PCID2: variants seen among roughly 807,000 people sequenced by gnomAD.
PCID2 encodes the protein PCI domain containing 2, also known as PCI domain-containing protein 2.
PCID2 carries 41 observed loss-of-function variants against 61.3 expected under a neutral mutation model. The ratio of observed to expected loss-of-function variants is 0.67; its 90% CI spans 0.52 to 0.87. PCID2 has a LOEUF of 0.87. Ranked by LOEUF, PCID2 falls within the 40% of genes least tolerant of loss-of-function variation. PCID2 has a pLI of 0.00. For missense variants in PCID2, 392 were observed against 493.4 expected, an observed-to-expected ratio of 0.79 and a Z score of 1.95; for synonymous variants, 187 against 177.8, an observed-to-expected ratio of 1.05 and a Z score of -0.41.
the PCID2 span, chr13:113,172,045 C>T: frequency 6.2e-7 from 1 of 1,613,088 alleles, no homozygotes. Context: ...GGCAGGCTCA[C>T]ATGGTCCTTG....
At chr13:113,197,543 G>C (rs897769990) in intron 3 of PCID2, among the ~76,000 whole-genome samples, 7 of 152,228 alleles carry the variant, frequency 4.6e-5, no homozygotes, top group Non-Finnish European at 8.8e-5. Flanking sequence ...ATTCAAACTA[G>C]ATTCCCAGCT....
chr13:113,203,883 A>G (rs1282471283), intron 1 of PCID2, among the ~76,000 whole-genome samples: 1 of 152,250 alleles, frequency 6.6e-6, no homozygotes, highest in Non-Finnish European at 1.5e-5. Context: ...AAGTCCCCCA[A>G]GAAAACCAGT....
chr13:113,181,074 G>C lies in PCID2; in HGVS notation c.786+56C>G, dbSNP rs1204335630. The C allele has an allele frequency of 1.0e-5, 12 of 1,165,944 alleles. No individual in the cohort carries two copies. In the South Asian group the frequency reaches 1.2e-4, roughly 12 times the overall value. 72.2% of individuals were successfully genotyped at this position (1,165,944 alleles called of 1,614,324 possible). A position where few individuals can be genotyped will look rare whatever the true frequency, so the allele number is the denominator to read the frequency against. ...TGCTAGGTTTTAAAAAAACCTATCA[G>C]CTGTCAACTTTGTGAAAGCACCAGG... On this transcript the variant is annotated intron_variant, in intron 10 of 13. Transcript: ENST00000337344.
chr13:113,196,235 G>C lies in PCID2; in HGVS notation c.267-13C>G. On this transcript the variant is annotated splice_polypyrimidine_tract_variant and intron_variant, in intron 4 of 13. Coordinates refer to ENST00000337344, the MANE Select transcript of PCID2 (RefSeq NM_001127202.4). ...TCGCAAGAATGATGTACTGTATTAA[G>C]GAAGATATGGCATACAAAGTTCAAA... The C allele has an allele frequency of 6.3e-7, 1 of 1,577,218 alleles. No individual in the cohort carries two copies. Among genetic ancestry groups the C allele is most frequent in the Non-Finnish European group, 8.7e-7 (1 of 1,152,494 alleles).
At chr13:113,185,365 A>C in intron 8 of PCID2, 120 bp downstream of exon 8, 1 of 732,074 alleles carries the variant, frequency 1.4e-6, no homozygotes, top group Admixed American at 2.1e-5. Context: ...AGGACTAGGA[A>C]TACGGTTATG....
intron 9 of PCID2, chr13:113,183,622 A>G (rs2037838699): frequency 3.8e-6 from 1 of 265,758 alleles, no homozygotes; most frequent in African/African-American, 2.3e-5. Flanking sequence ...TGCATTGCCT[A>G]AAGTTATGTT....
chr13:113,172,335 A>C, the PCID2 span: 18 of 583,294 alleles, frequency 3.1e-5, no homozygotes, highest in Non-Finnish European at 4.9e-5. Flanking sequence ...CTTAAAAGAA[A>C]ACATGAGATA....
chr13:113,195,935 G>A (rs2038979378), intron 5 of PCID2, among the ~76,000 whole-genome samples: 1 of 152,042 alleles, frequency 6.6e-6, no homozygotes, highest in African/African-American at 2.4e-5. Context: ...TAGGGAAATG[G>A]ACATCTGAAA....
At chr13:113,196,257 C>A in intron 4 of PCID2, 35 bp from the exon 5 acceptor site, 1 of 1,477,494 alleles carries the variant, frequency 6.8e-7, no homozygotes, top group South Asian at 1.2e-5. Context: ...ATACAAAGTT[C>A]AAATAATGCT....
chr13:113,195,338 T>G (rs1356808971), intron 5 of PCID2, among the ~76,000 whole-genome samples: 2 of 152,164 alleles, frequency 1.3e-5, no homozygotes, highest in Non-Finnish European at 2.9e-5. Context: ...AATGCGGTGC[T>G]CCACACCCCT....
rs1676311711 is a variant in PCID2 at position 113,200,693 on chromosome 13, T to C, written c.37-177A>G. The C allele has an allele frequency of 1.9e-5, 8 of 418,028 alleles. No homozygotes were observed. In the East Asian group the frequency reaches 3.5e-4, roughly 18 times the overall value. The allele number at this position is 418,028 out of a possible 1,614,324, so 25.9% of individuals were successfully genotyped here. A position where few individuals can be genotyped will look rare whatever the true frequency, so the allele number is the denominator to read the frequency against. On this transcript the variant is annotated intron_variant, in intron 1 of 13. Transcript: ENST00000337344. Reference sequence around the variant, plus strand: ...ACTCTCTGCAGTGGGTAAACAATAATTTCTTTTTTTTTTTTTTTTTTTTTG... The same window carrying C: ...ACTCTCTGCAGTGGGTAAACAATAACTTCTTTTTTTTTTTTTTTTTTTTTG...
intron 1 of PCID2, chr13:113,208,388 C>T: frequency 1.4e-6 from 2 of 1,440,748 alleles, no homozygotes; most frequent in Non-Finnish European, 9.1e-7. Flanking sequence ...ACCGCCCGGC[C>T]CCCACGGCGG....
At chr13:113,195,594 G>A (rs1015804181) in intron 5 of PCID2, among the ~76,000 whole-genome samples, 1 of 151,990 alleles carries the variant, frequency 6.6e-6, no homozygotes, top group Non-Finnish European at 1.5e-5. Flanking sequence ...AGGGTGGCGG[G>A]AGGCAGAGGC....
chr13:113,181,971 TG>T (rs57158338), intron 9 of PCID2, among the ~76,000 whole-genome samples: 2,593 of 152,328 alleles, frequency 0.017, 69 homozygotes, highest in African/African-American at 0.058. Flanking sequence ...CAGGGGTTTC[TG>T]GACAATGATT....
the PCID2 span, chr13:113,171,467 C>T: frequency 7.0e-6 from 8 of 1,139,930 alleles, no homozygotes; most frequent in Non-Finnish European, 6.3e-6. This position sits in a 1 kb window ranked among gnomAD's most constrained non-coding sequence, Gnocchi z 5.1. Context: ...CACCACGGGG[C>T]GGTGAGCCTG....
At chr13:113,167,384 C>T in the PCID2 span, among the ~76,000 whole-genome samples, 3 of 152,340 alleles carry the variant, frequency 2.0e-5, no homozygotes, top group South Asian at 6.2e-4. Context: ...GTTGGAAAAA[C>T]ACTTTCTCAC....
chr13:113,165,243 C>A, the PCID2 span: 1 of 925,626 alleles, frequency 1.1e-6, no homozygotes, highest in Non-Finnish European at 1.7e-6. Flanking sequence ...GGGCTACTGA[C>A]TGCACTGACC....
At chr13:113,173,871 C>G, downstream of PCID2, among the ~76,000 whole-genome samples, 1 of 152,166 alleles carries the variant, frequency 6.6e-6, no homozygotes, top group East Asian at 1.9e-4. Context: ...GCAGAAATGT[C>G]TGCAATCTTG....
At chr13:113,204,193 G>A (rs935113227) in intron 1 of PCID2, among the ~76,000 whole-genome samples, 2 of 152,258 alleles carry the variant, frequency 1.3e-5, no homozygotes, top group African/African-American at 4.8e-5. Flanking sequence ...CCAGCCCCAG[G>A]AGCCTGAGAA....
Sources: gnomAD v4.1 joint callset for allele counts (sites outside exome capture counted in the v4.1 genomes callset) on GRCh38, gnomAD v4.1.1 for gene constraint, Gnocchi (gnomAD v3.1) non-coding constraint, MANE v1.5 for transcripts, NCBI Gene and HGNC (gene_info 2026-07-23, HGNC 2026-07-21) for gene names.